Variants in PAOX observed in about 807,000 individuals in gnomAD.
PAOX encodes the protein polyamine oxidase.
Under a neutral mutation model 39.0 loss-of-function variants are expected in PAOX, and 38 were observed. The ratio of observed to expected loss-of-function variants is 0.97; its 90% CI spans 0.75 to 1.28. PAOX has a LOEUF of 1.28. Among genes scored for constraint, PAOX ranks in the 50% most tolerant of loss-of-function variants. PAOX has a pLI of 0.00. For missense variants in PAOX, 667 were observed against 685.7 expected, an observed-to-expected ratio of 0.97 and a Z score of 0.30; for synonymous variants, 311 against 314.4, an observed-to-expected ratio of 0.99 and a Z score of 0.11.
intron 3 of PAOX, among the ~76,000 whole-genome samples, chr10:133,382,383 C>T (rs1373377436): frequency 6.6e-6 from 1 of 152,214 alleles, no homozygotes; most frequent in Non-Finnish European, 1.5e-5. Flanking sequence ...GCCTCCGCAG[C>T]CCTAACTCCT....
At chr10:133,382,090 T>C (rs1849402406) in intron 3 of PAOX, among the ~76,000 whole-genome samples, 1 of 152,126 alleles carries the variant, frequency 6.6e-6, no homozygotes, top group Non-Finnish European at 1.5e-5. Flanking sequence ...TGAAGCTGTT[T>C]TATAAAAGGT....
intron 2 of PAOX, 71 bp from the exon 3 acceptor site, chr10:133,381,389 G>T (rs958523210): frequency 2.1e-6 from 3 of 1,462,600 alleles, no homozygotes; most frequent in Non-Finnish European, 2.9e-6. Flanking sequence ...GGAACTCAGA[G>T]CACGTATTTC....
At chr10:133,389,829 C>T (rs1849628909) in intron 6 of PAOX, 82 bp downstream of exon 6, 1 of 1,354,320 alleles carries the variant, frequency 7.4e-7, no homozygotes, top group Non-Finnish European at 9.5e-7. Context: ...GAGCACCAGC[C>T]AGTGGCGGGT....
chr10:133,381,439 C>G (rs1208785632), intron 2 of PAOX, 21 bp from the exon 3 acceptor site: 3 of 1,611,964 alleles, frequency 1.9e-6, no homozygotes, highest in Non-Finnish European at 1.7e-6. Flanking sequence ...CTCTACGAAA[C>G]CAGCACTTCC....
chr10:133,380,519 C>T (rs1457811239), intron 2 of PAOX, 34 bp downstream of exon 2: 4 of 1,559,836 alleles, frequency 2.6e-6, no homozygotes, highest in Non-Finnish European at 3.5e-6. Context: ...GCCAGTCCTC[C>T]CACCAGGCTC....
In PAOX at chr10:133,384,132, G is replaced by A. The variant is rs200606164; in HGVS notation, c.1041G>A (p.Ser347=). 2.2e-5 allele frequency: 36 copies of A among 1,614,138 alleles called. No homozygotes were observed. Among genetic ancestry groups the A allele is most frequent in the Non-Finnish European group, 2.8e-5 (33 of 1,180,002 alleles). The change falls in exon 4 of 7, where the codon TCG becomes TCA. Residue 347 remains serine, a synonymous_variant. Transcript: ENST00000278060. The surrounding 1 kb of genome is among the most constrained non-coding windows in gnomAD (Gnocchi z 4.3). ...TCCAGCTGGTGTGGGAGGACACGTC[G>A]CCCCTGGAGGATGCTGCCCCTGAGC... ...QLIQLVWEDT[S]PLEDAAPELQ...
At chr10:133,388,899 A>G (rs1356218378) in intron 4 of PAOX, 57 bp from the exon 5 acceptor site, 1 of 751,326 alleles carries the variant, frequency 1.3e-6, no homozygotes, top group South Asian at 1.4e-5. Flanking sequence ...TGGTCATCCC[A>G]GGGCTCTCTT....
Position 133,379,480 on chromosome 10 carries a change from G to T in PAOX, c.164G>T (p.Arg55Leu). 8.2e-7 allele frequency: 1 copy of T among 1,225,436 alleles called. No homozygotes were observed. Among genetic ancestry groups the T allele is most frequent in the East Asian group, 3.2e-5 (1 of 31,138 alleles). 75.9% of individuals were successfully genotyped at this position (1,225,436 alleles called of 1,614,324 possible). Residue 55 changes from arginine to leucine, a missense_variant, in exon 1 of 7, where the codon CGC becomes CTC. By Grantham distance (102) the Arg-to-Leu change is moderately radical (BLOSUM62 -2). Coordinates refer to ENST00000278060, the MANE Select transcript of PAOX (RefSeq NM_152911.4). ...EATARAGGRIRSERCFGGVVE... is the reference protein window; with the variant it reads ...EATARAGGRILSERCFGGVVE... The stretch of plus-strand genomic sequence containing the variant: ...ACGGCCCGCGCCGGGGGCCGCATCC[G>T]CTCGGAGCGCTGCTTCGGTAACCGC...
Position 133,389,696 on chromosome 10 carries a change from C to A in PAOX, c.1341C>A (p.Gly447=). 2.5e-6 allele frequency: 4 copies of A among 1,595,560 alleles called. No individual in the cohort carries two copies. The highest frequency in any genetic ancestry group is 3.4e-6 in the Non-Finnish European group (4 of 1,168,556). ...YSYVAVGSTG[G]DLDLLAQPLP... ...ACGTGGCCGTGGGCAGTACTGGGGG[C>A]GACCTGGACCTGCTGGCTCAGCCCC... Residue 447 remains glycine, a synonymous_variant, in exon 6 of 7, where the codon GGC becomes GGA. Coordinates refer to ENST00000278060, the MANE Select transcript of PAOX (RefSeq NM_152911.4).
Position 133,389,701 on chromosome 10 carries a change from T to G in PAOX, c.1346T>G (p.Leu449Arg). Residue 449 changes from leucine to arginine, a missense_variant, in exon 6 of 7, where the codon CTG (leucine) becomes CGG (arginine). Transcript: ENST00000278060. ...GCCGTGGGCAGTACTGGGGGCGACC[T>G]GGACCTGCTGGCTCAGCCCCTCCCT... Reference protein sequence around the residue: ...YVAVGSTGGDLDLLAQPLPAD... With the variant: ...YVAVGSTGGDRDLLAQPLPAD... 6.3e-7 allele frequency: 1 copy of G among 1,593,428 alleles called. No homozygotes were observed. The highest frequency in any genetic ancestry group is 8.6e-7 in the Non-Finnish European group (1 of 1,167,226).
chr10:133,383,768 G>T (rs551263150), intron 3 of PAOX, among the ~76,000 whole-genome samples, 192 bp from the exon 4 acceptor site: 1 of 152,300 alleles, frequency 6.6e-6, no homozygotes, highest in South Asian at 2.1e-4. Context: ...TCATGGTGCT[G>T]CATGCACTCT....
intron 3 of PAOX, 62 bp downstream of exon 3, chr10:133,381,721 C>T (rs1429509389): frequency 3.2e-6 from 5 of 1,556,456 alleles, no homozygotes; most frequent in Admixed American, 3.4e-5. Flanking sequence ...CCTTACCCTG[C>T]CTCAGTTGGC....
chr10:133,390,081 C>T (rs1188743664), intron 6 of PAOX, among the ~76,000 whole-genome samples: 1 of 152,130 alleles, frequency 6.6e-6, no homozygotes, highest in Non-Finnish European at 1.5e-5. Context: ...TCTGCTACCA[C>T]GTTTTGAGAT....
chr10:133,388,429 T>C (rs2133474767), intron 4 of PAOX, among the ~76,000 whole-genome samples: 1 of 152,344 alleles, frequency 6.6e-6, no homozygotes, highest in South Asian at 2.1e-4. Context: ...TCCAGCTCCA[T>C]CCATGTCCCT....
intron 4 of PAOX, among the ~76,000 whole-genome samples, chr10:133,388,287 C>T (rs1849580057): frequency 1.3e-5 from 2 of 152,140 alleles, no homozygotes; most frequent in African/African-American, 4.8e-5. Flanking sequence ...TTTCCTGCTC[C>T]TCTCCCTCCT....
At chr10:133,387,810 T>A (rs1253382950) in intron 4 of PAOX, among the ~76,000 whole-genome samples, 1 of 152,202 alleles carries the variant, frequency 6.6e-6, no homozygotes, top group Non-Finnish European at 1.5e-5. Flanking sequence ...AACCTCCACC[T>A]CCCGGGTTCA....
rs1290131409 is a variant in PAOX at position 133,384,527 on chromosome 10, T to C, written c.1121+315T>C. Among the ~76,000 whole-genome samples the C allele has an allele frequency of 2.0e-5, 3 of 152,154 alleles. No individual in the cohort carries two copies. Among genetic ancestry groups the C allele is most frequent in the African/African-American group, 4.8e-5 (2 of 41,426 alleles). Reference sequence around the variant, plus strand: ...GTTGCAGGGAGCTGGGGCTTGTAGATACAGAAGAACTTTGAAACACCATCT... The same window carrying C: ...GTTGCAGGGAGCTGGGGCTTGTAGACACAGAAGAACTTTGAAACACCATCT... On this transcript the variant is annotated intron_variant, in intron 4 of 6. Coordinates refer to ENST00000278060, the MANE Select transcript of PAOX (RefSeq NM_152911.4). This position sits in a 1 kb window ranked among gnomAD's most constrained non-coding sequence, Gnocchi z 4.3.
intron 6 of PAOX, 45 bp downstream of exon 6, chr10:133,389,792 GGCCCCC>G: frequency 2.9e-6 from 4 of 1,397,908 alleles, no homozygotes; most frequent in Non-Finnish European, 2.8e-6. Flanking sequence ...CCGCTGCAGA[GGCCCCC>G]GCCGAGTCTG....
chr10:133,379,269 C>T lies in PAOX; in HGVS notation c.-48C>T, dbSNP rs1360699997. ...CCGCCTCCGGCCTCCTCCGAGAGCTCCAGACCTCCCGGCTACTCAGAAGCC... is the reference window on the plus strand; with the variant it reads ...CCGCCTCCGGCCTCCTCCGAGAGCTTCAGACCTCCCGGCTACTCAGAAGCC... On this transcript the variant is annotated 5_prime_UTR_variant, in exon 1 of 7. Transcript: ENST00000278060. 2.5e-6 allele frequency: 3 copies of T among 1,203,264 alleles called. No homozygotes were observed. Among genetic ancestry groups the T allele is most frequent in the African/African-American group, 3.2e-5 (2 of 62,382 alleles). 74.5% of individuals were successfully genotyped at this position (1,203,264 alleles called of 1,614,324 possible). A position where few individuals can be genotyped will look rare whatever the true frequency, so the allele number is the denominator to read the frequency against.
Sources: allele counts gnomAD v4.1 joint callset (sites outside exome capture counted in the v4.1 genomes callset), GRCh38; gene constraint gnomAD v4.1.1; non-coding constraint Gnocchi (gnomAD v3.1); transcripts MANE v1.5; gene names NCBI Gene and HGNC (gene_info 2026-07-23, HGNC 2026-07-21).